The following AFDN variants were observed in gnomAD, a reference collection of about 807,000 sequenced individuals.
AFDN encodes afadin, adherens junction formation factor.
Under a neutral mutation model 216.6 loss-of-function variants are expected in AFDN, and 68 were observed. The observed-to-expected ratio is 0.31, with a 90% CI of 0.26 to 0.38. AFDN has a LOEUF of 0.38. Among genes scored for constraint, AFDN ranks in the 10% least tolerant of loss-of-function variants. The pLI is 1.00. For missense variants in AFDN, 2,136 were observed against 2,342.0 expected (o/e 0.91, Z 1.82); for synonymous variants, 868 against 853.7 (o/e 1.02, Z -0.29).
Position 167,963,842 on chromosome 6 carries a change from C to CT in AFDN, c.4968+1276dup, listed in dbSNP as rs1310040871. The stretch of plus-strand genomic sequence containing the variant: ...TACAAAATGCTGAGCCGCTTGATGT[C>CT]TAAGTGTTGGTGGTTTTTGCTGTTG... On this transcript the variant is annotated intron_variant, in intron 31 of 33. Transcript: ENST00000683244. 5.6e-6 allele frequency: 6 copies of CT among 1,063,818 alleles called. No individual in the cohort carries two copies. The East Asian group carries it at 1.5e-4, about 27-fold the overall frequency. The allele number at this position is 1,063,818 out of a possible 1,614,324, so 65.9% of individuals were successfully genotyped here.
chr6:167,883,608 T>A (rs796551460), intron 6 of AFDN, among the ~76,000 whole-genome samples: 79 of 152,338 alleles, frequency 5.2e-4, no homozygotes, highest in African/African-American at 1.8e-3. Context: ...TCCCAATACG[T>A]ATAAAAGTTA....
chr6:167,931,385 T>A (rs1005562324), intron 23 of AFDN, among the ~76,000 whole-genome samples: 5 of 152,074 alleles, frequency 3.3e-5, no homozygotes, highest in African/African-American at 1.2e-4. Flanking sequence ...GAATAGATTA[T>A]CTAGTAGATA....
rs181140663 is a variant in AFDN, at chr6:167,963,993, C to T, written c.4968+1426C>T. 41 of 1,064,482 alleles carry T rather than the reference C, an allele frequency of 3.9e-5. No homozygotes were observed. The East Asian group carries it at 1.4e-3, about 36-fold the overall frequency. 65.9% of individuals were successfully genotyped at this position (1,064,482 alleles called of 1,614,324 possible). On this transcript the variant is annotated intron_variant, in intron 31 of 33. Transcript: ENST00000683244. Reference sequence around the variant, plus strand: ...CTATAGCTGGGCCCAGTCCTGGCCACGCCGGAGCCTCGGCGGGGGCAGCTG... The same window carrying T: ...CTATAGCTGGGCCCAGTCCTGGCCATGCCGGAGCCTCGGCGGGGGCAGCTG...
At position 167,914,715 on chromosome 6, in the gene AFDN, A is replaced by G. The variant is rs994318754; in HGVS notation, c.2276A>G (p.Asn759Ser). The G allele has an allele frequency of 1.9e-6, 3 of 1,612,692 alleles. No homozygotes were observed. The highest frequency in any genetic ancestry group is 2.2e-5 in the East Asian group (1 of 44,838). ...MPAFLDDPEE[N>S]SLQRPKIDDV... ...GCCTTTCTAGATGACCCTGAAGAGA[A>G]CAGTCTGCAACGACCAAAAATAGGT... is the stretch of plus-strand genomic sequence containing the variant. The change falls in exon 18 of 34, where the codon AAC (asparagine) becomes AGC (serine). Residue 759 changes from asparagine (N) to serine (S), a missense_variant. By Grantham distance (46) the Asn-to-Ser change is conservative. Coordinates refer to ENST00000683244, the MANE Select transcript of AFDN (RefSeq NM_001386888.1).
Position 167,902,339 on chromosome 6 carries a change from G to T in AFDN, c.1603G>T (p.Asp535Tyr), listed in dbSNP as rs1280087477. 1.2e-6 allele frequency: 2 copies of T among 1,612,808 alleles called. No individual in the cohort carries two copies. The highest frequency in any genetic ancestry group is 2.2e-5 in the South Asian group (2 of 91,002). Residue 535 changes from aspartate to tyrosine, a missense_variant, in exon 12 of 34, where the codon GAT (aspartate) becomes TAT (tyrosine). Physicochemically the swap from Asp to Tyr is radical, Grantham distance 160 (BLOSUM62 -3). Around this residue, in one of 8 missense-constraint regions of AFDN, gnomAD observed 817 missense variants for 965.7 expected, o/e 0.85. Coordinates refer to ENST00000683244, the MANE Select transcript of AFDN (RefSeq NM_001386888.1). The part of the protein sequence containing the change: ...KPGIVQETTF[D>Y]LGGDIHSGTA... ...CAGAATTGTTCAGGAGACAACTTTTGATTTGGGAGGAGATATTCATAGTGG... is the reference window on the plus strand; with the variant it reads ...CAGAATTGTTCAGGAGACAACTTTTTATTTGGGAGGAGATATTCATAGTGG...
intron 3 of AFDN, among the ~76,000 whole-genome samples, chr6:167,871,418 T>C (rs1784785073): frequency 6.6e-6 from 1 of 152,226 alleles, no homozygotes; most frequent in Non-Finnish European, 1.5e-5. Flanking sequence ...TGACATGTAT[T>C]GGAACTCCTA....
At position 167,914,278 on chromosome 6, in the gene AFDN, A is replaced by G. The variant is rs138145086; in HGVS notation, c.2169A>G (p.Gln723=). The change falls in exon 17 of 34, where the codon CAA becomes CAG. Residue 723 remains glutamine (Q), a synonymous_variant. Coordinates refer to ENST00000683244, the MANE Select transcript of AFDN (RefSeq NM_001386888.1). ...RDLSRITLDA[Q]DVLAHLVQMA... ...TTAGTCGGATCACACTGGATGCTCAAGATGTTTTAGCACATTTGGTTCAAA... is the reference window on the plus strand; with the variant it reads ...TTAGTCGGATCACACTGGATGCTCAGGATGTTTTAGCACATTTGGTTCAAA... The G allele has an allele frequency of 1.4e-5, 23 of 1,614,030 alleles. No homozygotes were observed. The highest frequency in any genetic ancestry group is 1.9e-5 in the Non-Finnish European group (22 of 1,180,020).
At chr6:167,885,209 A>G (rs957735940) in intron 6 of AFDN, among the ~76,000 whole-genome samples, 33 of 152,310 alleles carry the variant, frequency 2.2e-4, no homozygotes, top group African/African-American at 7.2e-4. Context: ...GACTTTCTCC[A>G]TATGAGCAAT....
chr6:167,948,297 A>G lies in AFDN; in HGVS notation c.3650A>G (p.Gln1217Arg). 1 of 1,606,918 alleles carries G rather than the reference A, an allele frequency of 6.2e-7. No individual in the cohort carries two copies. Among genetic ancestry groups the G allele is most frequent in the East Asian group, 2.2e-5 (1 of 44,788 alleles). The change falls in exon 29 of 34, where the codon CAG (glutamine) becomes CGG (arginine). Residue 1217 changes from glutamine (Q) to arginine (R), a missense_variant. This residue lies in a region of AFDN where 981 missense variants were observed against 966.0 expected (regional missense o/e 1.02). Coordinates refer to ENST00000683244, the MANE Select transcript of AFDN (RefSeq NM_001386888.1). Reference protein sequence around the residue: ...VSTGNLCTEEQTPPPRPEAYP... With the variant: ...VSTGNLCTEERTPPPRPEAYP... The stretch of plus-strand genomic sequence containing the variant: ...TTTGTTCTTCACATTTTACAGGAGC[A>G]GACGCCTCCGCCTAGACCTGAAGCC...
At chr6:167,965,710 C>G (rs1057306003) in intron 31 of AFDN, 47 bp from the exon 32 acceptor site, 9 of 1,474,216 alleles carry the variant, frequency 6.1e-6, no homozygotes, top group Non-Finnish European at 8.1e-6. Context: ...GTCGGCTGTT[C>G]CCTTCTCACC....
At chr6:167,923,620 C>CTTTT (rs35743665) in intron 22 of AFDN, among the ~76,000 whole-genome samples, 49 of 111,958 alleles carry the variant, frequency 4.4e-4, no homozygotes, top group South Asian at 1.6e-3. Flanking sequence ...TACCCTAATA[C>CTTTT]TTTTTTTTTT....
intron 32 of AFDN, 155 bp from the exon 33 acceptor site, chr6:167,968,959 A>C: frequency 1.6e-6 from 1 of 620,882 alleles, no homozygotes; most frequent in Non-Finnish European, 2.9e-6. Context: ...ATGAATTTCA[A>C]ACTGATGAAA....
At chr6:167,910,796 C>T (rs1388375705) in intron 13 of AFDN, among the ~76,000 whole-genome samples, 1 of 152,140 alleles carries the variant, frequency 6.6e-6, no homozygotes, top group South Asian at 2.1e-4. Context: ...GTAGCAGATG[C>T]AAGACAGACC....
Position 167,862,415 on chromosome 6 carries a change from G to T in AFDN, c.106-2136G>T, listed in dbSNP as rs370147240. ...TTTTTAGATGAAGTCTTGCTCTGTC[G>T]CCCAGGCTGGAGTGCAGTGGCGCGA... is the stretch of plus-strand genomic sequence containing the variant. On this transcript the variant is annotated intron_variant, in intron 1 of 33. Transcript: ENST00000683244. Among the ~76,000 whole-genome samples the T allele has an allele frequency of 1.1e-3, 169 of 151,506 alleles. No individual in the cohort carries two copies. The South Asian group carries it at 0.033, about 29-fold the overall frequency.
intron 24 of AFDN, 93 bp from the exon 25 acceptor site, chr6:167,943,309 C>T: frequency 7.0e-7 from 1 of 1,432,812 alleles, no homozygotes; most frequent in Non-Finnish European, 9.8e-7. Context: ...GTTGGAAGAA[C>T]AAATAGAGTA....
chr6:167,926,155 A>G (rs984581203), intron 23 of AFDN, among the ~76,000 whole-genome samples: 1 of 152,196 alleles, frequency 6.6e-6, no homozygotes, highest in Non-Finnish European at 1.5e-5. Context: ...GTCATTTGAA[A>G]CCTTGCCATT....
intron 9 of AFDN, among the ~76,000 whole-genome samples, chr6:167,896,078 G>A (rs1417094690): frequency 6.6e-6 from 1 of 152,122 alleles, no homozygotes; most frequent in Non-Finnish European, 1.5e-5. Flanking sequence ...GATACAGTAG[G>A]TGAAGAGTGA....
chr6:167,889,624 GT>G, intron 7 of AFDN, among the ~76,000 whole-genome samples: 1 of 152,154 alleles, frequency 6.6e-6, no homozygotes, highest in South Asian at 2.1e-4. Context: ...TAGAGATGGG[GT>G]TTCTCCATGT....
chr6:167,884,397 A>G (rs747354263), intron 6 of AFDN, among the ~76,000 whole-genome samples: 9 of 152,190 alleles, frequency 5.9e-5, no homozygotes, highest in Non-Finnish European at 1.0e-4. Context: ...ATCACTATCT[A>G]TGGCAGCTAT....
Sources: gnomAD v4.1 joint callset for allele counts (sites outside exome capture counted in the v4.1 genomes callset) on GRCh38, gnomAD v4.1.1 for gene constraint, gnomAD v4.1.1 regional missense constraint, MANE v1.5 for transcripts, NCBI Gene and HGNC (gene_info 2026-07-23, HGNC 2026-07-21) for gene names.